Variants in PTPRM observed in about 807,000 individuals in gnomAD.
PTPRM encodes the protein receptor-type tyrosine-protein phosphatase mu.
A neutral mutation model predicts 186.7 loss-of-function variants in PTPRM; 47 were observed. The observed-to-expected ratio is 0.25, with a 90% CI of 0.20 to 0.32. The LOEUF is 0.32. PTPRM is among the 10% of genes least tolerant of loss of function. PTPRM has a pLI of 1.00. For synonymous variants in PTPRM, 668 were observed against 674.9 expected (o/e 0.99, Z 0.16); for missense variants, 1,494 against 1,865.0 (o/e 0.80, Z 3.66).
intron 2 of PTPRM, among the ~76,000 whole-genome samples, chr18:7,816,020 A>G (rs894756581): frequency 5.9e-5 from 9 of 152,222 alleles, no homozygotes; most frequent in African/African-American, 2.2e-4. Context: ...AATGGTGACT[A>G]ATGTATCACT....
At chr18:7,781,944 G>T (rs2042876343) in intron 2 of PTPRM, among the ~76,000 whole-genome samples, 3 of 152,102 alleles carry the variant, frequency 2.0e-5, no homozygotes, top group African/African-American at 7.2e-5. Context: ...ATAATCACTA[G>T]TGAGCATTCG....
chr18:8,344,472 A>ATATATATATATC (rs1161839943), intron 23 of PTPRM, among the ~76,000 whole-genome samples: 2 of 146,892 alleles, frequency 1.4e-5, no homozygotes, highest in African/African-American at 2.6e-5. Flanking sequence ...ATATATATAT[A>ATATATATATATC]TATCTAGCAA....
chr18:7,609,496 T>C (rs982113840), intron 1 of PTPRM, among the ~76,000 whole-genome samples: 1 of 150,804 alleles, frequency 6.6e-6, no homozygotes, highest in African/African-American at 2.4e-5. Context: ...GGAATAGCAG[T>C]GCATTCTAGA....
At chr18:8,320,142 G>A (rs1290593825) in intron 22 of PTPRM, among the ~76,000 whole-genome samples, 5 of 152,182 alleles carry the variant, frequency 3.3e-5, no homozygotes, top group East Asian at 3.9e-4. Flanking sequence ...TCAGCAATAG[G>A]CTACATCCCA....
chr18:7,582,373 T>C (rs1023559063), intron 1 of PTPRM, among the ~76,000 whole-genome samples: 2 of 152,192 alleles, frequency 1.3e-5, no homozygotes, highest in African/African-American at 4.8e-5. Flanking sequence ...CTCTCGTACA[T>C]GTGATCTCTC....
intron 7 of PTPRM, among the ~76,000 whole-genome samples, chr18:8,053,323 C>T (rs1005604744): frequency 3.9e-5 from 6 of 152,028 alleles, no homozygotes; most frequent in African/African-American, 1.4e-4. Flanking sequence ...GCCCTGTAAT[C>T]AGAAAAAATA....
At chr18:7,983,133 C>G (rs929740786) in intron 7 of PTPRM, among the ~76,000 whole-genome samples, 5 of 152,136 alleles carry the variant, frequency 3.3e-5, no homozygotes, top group Non-Finnish European at 5.9e-5. Flanking sequence ...GACTGCCAAC[C>G]AGGTACACCT....
At chr18:7,795,090 A>G (rs2043551076) in intron 2 of PTPRM, among the ~76,000 whole-genome samples, 1 of 152,256 alleles carries the variant, frequency 6.6e-6, no homozygotes, top group Non-Finnish European at 1.5e-5. Context: ...CACCAGATGT[A>G]CTAAGAGCTG....
At chr18:7,930,727 A>C (rs960189131) in intron 5 of PTPRM, among the ~76,000 whole-genome samples, 6 of 152,180 alleles carry the variant, frequency 3.9e-5, no homozygotes, top group African/African-American at 1.4e-4. Context: ...TAATGCTTAT[A>C]TGTATTACAT....
chr18:7,675,766 A>G (rs1223292297), intron 1 of PTPRM, among the ~76,000 whole-genome samples: 1 of 145,838 alleles, frequency 6.9e-6, no homozygotes, highest in East Asian at 2.0e-4. Context: ...ACAGAGTCCC[A>G]CTCTGTTGCC....
At chr18:8,185,759 A>G (rs938344459) in intron 14 of PTPRM, among the ~76,000 whole-genome samples, 1 of 152,246 alleles carries the variant, frequency 6.6e-6, no homozygotes, top group African/African-American at 2.4e-5. Context: ...TGTGAAAATC[A>G]TGTGACCACT....
intron 1 of PTPRM, among the ~76,000 whole-genome samples, chr18:7,643,444 ATTC>A (rs1329199754): frequency 6.6e-6 from 1 of 152,082 alleles, no homozygotes; most frequent in Non-Finnish European, 1.5e-5. Context: ...GGTTCATGCC[ATTC>A]TTCTGTCTCA....
At chr18:8,308,459 C>T (rs980611612) in intron 20 of PTPRM, among the ~76,000 whole-genome samples, 2 of 152,088 alleles carry the variant, frequency 1.3e-5, no homozygotes, top group African/African-American at 4.8e-5. Flanking sequence ...AATAGCCACA[C>T]TAAGTAACAG....
Position 8,371,018 on chromosome 18 carries a change from T to C in PTPRM, c.3171+12T>C, listed in dbSNP as rs1474163427. 6.7e-7 allele frequency: 1 copy of C among 1,495,048 alleles called. No individual in the cohort carries two copies. The highest frequency in any genetic ancestry group is 1.7e-5 in the Admixed American group (1 of 58,348). The allele number at this position is 1,495,048 out of a possible 1,614,324, so 92.6% of individuals were successfully genotyped here. A position where few individuals can be genotyped will look rare whatever the true frequency, so the allele number is the denominator to read the frequency against. On this transcript the variant is annotated intron_variant, in intron 24 of 32. Coordinates refer to ENST00000580170, the MANE Select transcript of PTPRM (RefSeq NM_001105244.2). ...TTGCTGTTGAAAAGGTAAGTTTTCA[T>C]ACTGCTTTTAAAAGCTATGGTCAGA...
chr18:7,839,082 G>A (rs1419540299), intron 2 of PTPRM, among the ~76,000 whole-genome samples: 1 of 152,090 alleles, frequency 6.6e-6, no homozygotes, highest in Non-Finnish European at 1.5e-5. Flanking sequence ...CTTCATAGCA[G>A]TATGCTCCCC....
intron 14 of PTPRM, among the ~76,000 whole-genome samples, chr18:8,226,546 GT>G (rs1264534643): frequency 6.6e-6 from 1 of 152,192 alleles, no homozygotes; most frequent in Non-Finnish European, 1.5e-5. Flanking sequence ...ATAAGAAAAT[GT>G]AGGCCCTTGT....
chr18:8,153,008 G>T (rs528878386), intron 14 of PTPRM, among the ~76,000 whole-genome samples: 1 of 151,988 alleles, frequency 6.6e-6, no homozygotes, highest in Non-Finnish European at 1.5e-5. Flanking sequence ...GAGCCACTGC[G>T]CCTGGCCTTT....
intron 3 of PTPRM, among the ~76,000 whole-genome samples, chr18:7,896,125 T>C (rs1437706669): frequency 2.6e-5 from 4 of 152,206 alleles, no homozygotes; most frequent in Admixed American, 1.3e-4. Context: ...TGTGTTGACC[T>C]GCCCTCCTAT....
At chr18:8,132,074 T>G (rs2092524568) in intron 13 of PTPRM, among the ~76,000 whole-genome samples, 1 of 152,224 alleles carries the variant, frequency 6.6e-6, no homozygotes, top group African/African-American at 2.4e-5. Context: ...TATAACATAG[T>G]TTATTCAAGT....
Sources: allele counts gnomAD v4.1 joint callset (sites outside exome capture counted in the v4.1 genomes callset), GRCh38; gene constraint gnomAD v4.1.1; transcripts MANE v1.5; gene names NCBI Gene and HGNC (gene_info 2026-07-23, HGNC 2026-07-21).